ZNF577: variants seen among roughly 807,000 people sequenced by gnomAD.
ZNF577 encodes the protein zinc finger protein 577.
ZNF577 carries 14 observed loss-of-function variants against 13.9 expected under a neutral mutation model. The observed-to-expected ratio is 1.00, with a 90% CI of 0.66 to 1.57. The LOEUF (loss-of-function observed/expected upper bound fraction) is 1.57, where lower values mean the gene tolerates loss of function less well. Ranked by LOEUF, ZNF577 falls within the 40% of genes most tolerant of loss-of-function variation. The probability of loss-of-function intolerance (pLI) is 0.00; values close to 1 mark genes in which losing one functional copy is unlikely to be tolerated. For synonymous variants in ZNF577, 203 were observed against 202.9 expected (o/e 1.00, Z 0.00); for missense variants, 555 against 579.2 (o/e 0.96, Z 0.43).
chr19:51,805,755 G>A (rs2084054595), intron 10 of ZNF577, among the ~76,000 whole-genome samples: 2 of 152,172 alleles, frequency 1.3e-5, no homozygotes, highest in Admixed American at 6.5e-5. Context: ...CAAAGTTACA[G>A]AGGACATCAC....
chr19:51,837,092 T>A (rs958141545), intron 9 of ZNF577, among the ~76,000 whole-genome samples: 3 of 147,270 alleles, frequency 2.0e-5, no homozygotes, highest in African/African-American at 7.5e-5. Context: ...TGAAAAGGAA[T>A]GTGAAGGAAA....
In ZNF577 at chr19:51,856,468, G is replaced by A. The variant is rs117739994; in HGVS notation, c.284-11537C>T. Among the ~76,000 whole-genome samples, 1,442 of 152,300 alleles carry A rather than the reference G, an allele frequency of 9.5e-3. 13 individuals are homozygous for A. The highest frequency in any genetic ancestry group is 0.016 in the Admixed American group (245 of 15,308). ...AAAATACAGAGAACATCAGGATAAT[G>A]CTAACAGACAGTTTTGTGTTTATTT... On this transcript the variant is annotated intron_variant and NMD_transcript_variant, in intron 5 of 10. Transcript: ENST00000638827.
intron 9 of ZNF577, among the ~76,000 whole-genome samples, chr19:51,819,662 G>A (rs2084173187): frequency 1.3e-5 from 2 of 152,200 alleles, no homozygotes; most frequent in South Asian, 2.1e-4. Flanking sequence ...AGTCAATATA[G>A]AATGGATTCA....
At chr19:51,882,386 A>T (rs933036105) in intron 1 of ZNF577, among the ~76,000 whole-genome samples, 1 of 152,094 alleles carries the variant, frequency 6.6e-6, no homozygotes, top group Non-Finnish European at 1.5e-5. Flanking sequence ...ACTGAGGTTC[A>T]GGTCAAATGT....
At chr19:51,865,816 T>G (rs8111316), downstream of ZNF577, among the ~76,000 whole-genome samples, 40,771 of 151,918 alleles carry the variant, frequency 0.27, 7,747 homozygotes, top group African/African-American at 0.53. Context: ...ATTCTCCATG[T>G]TTGAAATTAA....
In ZNF577 at chr19:51,887,764, A is replaced by C. The variant is rs1327536881; in HGVS notation, c.-1162T>G. 6.6e-6 allele frequency: 1 copy of C among 151,682 alleles called. No individual in the cohort carries two copies. The highest frequency in any genetic ancestry group is 1.5e-5 in the Non-Finnish European group (1 of 67,902). The allele number at this position is 151,682 out of a possible 1,614,324, so 9.4% of individuals were successfully genotyped here. On this transcript the variant is annotated 5_prime_UTR_variant, in exon 1 of 6. Coordinates refer to ENST00000638348, the MANE Select transcript of ZNF577 (RefSeq NM_001370449.1). Reference sequence around the variant, plus strand: ...CCCCGCAACACGGACCTCACGCGCTAGCGAACAACAGAAAAAAAAAAGCGC... The same window carrying C: ...CCCCGCAACACGGACCTCACGCGCTCGCGAACAACAGAAAAAAAAAAGCGC...
rs200930484 is a variant in ZNF577 at position 51,857,357 on chromosome 19, A to AGAAG, written c.284-12430_284-12427dup. ...AGGAGAGAAAGAAAGAGAGAAAGAAAGAAGGAAGGAAAGAAAGAAAGAAAG... is the reference window on the plus strand; with the variant it reads ...AGGAGAGAAAGAAAGAGAGAAAGAAAGAAGGAAGGAAGGAAAGAAAGAAAGAAAG... On this transcript the variant is annotated intron_variant and NMD_transcript_variant, in intron 5 of 10. Transcript: ENST00000638827. Among the ~76,000 whole-genome samples, 260 of 122,910 alleles carry AGAAG rather than the reference A, an allele frequency of 2.1e-3. 6 individuals carry two copies. The highest frequency in any genetic ancestry group is 6.4e-3 in the African/African-American group (195 of 30,570). 80.6% of individuals were successfully genotyped at this position (122,910 alleles called of 152,430 possible). A position where few individuals can be genotyped will look rare whatever the true frequency, so the allele number is the denominator to read the frequency against.
At chr19:51,829,305 A>T (rs2084249106) in intron 9 of ZNF577, among the ~76,000 whole-genome samples, 1 of 152,150 alleles carries the variant, frequency 6.6e-6, no homozygotes, top group Non-Finnish European at 1.5e-5. Flanking sequence ...TTCAGTACAG[A>T]TTTAATGACA....
At chr19:51,841,694 G>A (rs1424332362) in intron 8 of ZNF577, among the ~76,000 whole-genome samples, 1 of 152,130 alleles carries the variant, frequency 6.6e-6, no homozygotes, top group East Asian at 1.9e-4. Context: ...CAAGGCGGGT[G>A]GATCACCTGG....
At chr19:51,879,123 G>C (rs2084817145) in intron 3 of ZNF577, among the ~76,000 whole-genome samples, 1 of 152,106 alleles carries the variant, frequency 6.6e-6, no homozygotes, top group African/African-American at 2.4e-5. Context: ...TGGGCATGGT[G>C]GTGGGCACCT....
Position 51,868,535 on chromosome 19 carries a change from C to G in ZNF577, c.*3997G>C, listed in dbSNP as rs940037908. Among the ~76,000 whole-genome samples, 8 of 152,090 alleles carry G rather than the reference C, an allele frequency of 5.3e-5. No individual in the cohort carries two copies. The highest frequency in any genetic ancestry group is 1.2e-4 in the Non-Finnish European group (8 of 68,016). On this transcript the variant is annotated 3_prime_UTR_variant, in exon 6 of 6. Coordinates refer to ENST00000638348, the MANE Select transcript of ZNF577 (RefSeq NM_001370449.1). ...TCACCAAGAACCGACTGGGTCTGAC[C>G]CACCAAAGACTGCCCCAGCCAAAGC...
At chr19:51,852,963 C>A (rs1210973545) in intron 5 of ZNF577, among the ~76,000 whole-genome samples, 1 of 148,486 alleles carries the variant, frequency 6.7e-6, no homozygotes, top group Non-Finnish European at 1.5e-5. Flanking sequence ...CAGGGTTTCA[C>A]TCCCATTGCC....
chr19:51,879,955 A>G (rs1019531606), intron 3 of ZNF577, among the ~76,000 whole-genome samples: 1 of 152,230 alleles, frequency 6.6e-6, no homozygotes, highest in Non-Finnish European at 1.5e-5. Flanking sequence ...CTGTTACCAA[A>G]GAATGGAGCT....
intron 3 of ZNF577, chr19:51,878,750 T>C (rs1218590787): frequency 2.6e-6 from 1 of 386,100 alleles, no homozygotes; most frequent in Non-Finnish European, 4.7e-6. Context: ...CCTTTGTTTC[T>C]CATAATGAAA....
intron 5 of ZNF577, among the ~76,000 whole-genome samples, chr19:51,853,416 A>G (rs111869676): frequency 1.8e-4 from 28 of 152,360 alleles, no homozygotes; most frequent in African/African-American, 6.7e-4. Context: ...GCCAGGAGCC[A>G]GTAATCTCAT....
In ZNF577 at chr19:51,870,462, G is replaced by A. The variant is rs2084641599; in HGVS notation, c.*2070C>T. 6.6e-6 allele frequency among the ~76,000 whole-genome samples: 1 copy of A among 152,118 alleles called. No homozygotes were observed. Among genetic ancestry groups the A allele is most frequent in the Admixed American group, 6.5e-5 (1 of 15,268 alleles). On this transcript the variant is annotated 3_prime_UTR_variant, in exon 6 of 6. Transcript: ENST00000638348. ...AGCCTTTACTGTAGAGCAAATCTGA[G>A]CCACCCACAGAGGCAATACTCCTTA... is the stretch of plus-strand genomic sequence containing the variant.
At chr19:51,827,981 C>T (rs753544821) in intron 9 of ZNF577, among the ~76,000 whole-genome samples, 2 of 152,090 alleles carry the variant, frequency 1.3e-5, no homozygotes, top group East Asian at 3.9e-4. Context: ...GAGCACTTTG[C>T]GCATTTCATT....
intron 5 of ZNF577, among the ~76,000 whole-genome samples, chr19:51,859,415 A>C (rs891794611): frequency 7.2e-5 from 11 of 152,248 alleles, no homozygotes; most frequent in South Asian, 4.1e-4. Context: ...TTTTTGAGGA[A>C]CCACCAAAGG....
chr19:51,806,915 G>A (rs1458778603), intron 10 of ZNF577, among the ~76,000 whole-genome samples: 1 of 152,202 alleles, frequency 6.6e-6, no homozygotes, highest in Admixed American at 6.5e-5. Context: ...GCAGGGTTTG[G>A]TAAAGATGTG....
Sources: allele counts gnomAD v4.1 joint callset (sites outside exome capture counted in the v4.1 genomes callset), GRCh38; gene constraint gnomAD v4.1.1; transcripts MANE v1.5; gene names NCBI Gene and HGNC (gene_info 2026-07-23, HGNC 2026-07-21).